Variants in WWOX observed in about 807,000 individuals in gnomAD.
The protein encoded by WWOX is WW domain-containing oxidoreductase.
A neutral mutation model predicts 46.2 loss-of-function variants in WWOX; 69 were observed. The observed-to-expected ratio is 1.49, with a 90% confidence interval of 1.23 to 1.82. The LOEUF is 1.82. Among genes scored for constraint, WWOX ranks in the 40% most tolerant of loss-of-function variants. WWOX has a pLI of 0.00. For synonymous variants in WWOX, 359 were observed against 202.6 expected, an observed-to-expected ratio of 1.77 and a Z score of -6.56; for missense variants, 919 against 542.6, an observed-to-expected ratio of 1.69 and a Z score of -6.89.
chr16:78,149,283 T>A (rs780053441), intron 4 of WWOX, among the ~76,000 whole-genome samples: 2 of 152,146 alleles, frequency 1.3e-5, no homozygotes, highest in Non-Finnish European at 2.9e-5. Context: ...TTTTACTGGT[T>A]GGAAGTATAG....
chr16:78,585,702 T>G (rs895292779), intron 8 of WWOX, among the ~76,000 whole-genome samples: 2 of 151,710 alleles, frequency 1.3e-5, no homozygotes, highest in African/African-American at 4.8e-5. Flanking sequence ...TTTTTGTTTT[T>G]TTTGTTTTTT....
At chr16:78,286,933 C>A (rs988511167) in intron 5 of WWOX, among the ~76,000 whole-genome samples, 2 of 152,216 alleles carry the variant, frequency 1.3e-5, no homozygotes, top group South Asian at 4.1e-4. Flanking sequence ...TTTATAGTTT[C>A]TTTTCTGTTT....
rs575713560 is a variant in WWOX, at chr16:79,108,586, C to G, written c.1057-103022C>G. On this transcript the variant is annotated intron_variant, in intron 8 of 8. Transcript: ENST00000566780. ...AAGGGTGATTGGCTATTTTCATCATCAAGAAAAACATTGCTTTAAAATTTT... is the reference window on the plus strand; with the variant it reads ...AAGGGTGATTGGCTATTTTCATCATGAAGAAAAACATTGCTTTAAAATTTT... 5.3e-5 allele frequency among the ~76,000 whole-genome samples: 8 copies of G among 152,286 alleles called. No homozygotes were observed. In the South Asian group the frequency reaches 1.7e-3, roughly 32 times the overall value.
chr16:78,315,421 G>A (rs907971660), intron 5 of WWOX, among the ~76,000 whole-genome samples: 5 of 152,166 alleles, frequency 3.3e-5, no homozygotes, highest in East Asian at 3.9e-4. Flanking sequence ...GGCCAAGGCC[G>A]GCGGATCACT....
chr16:78,557,660 G>C (rs1027649119), intron 8 of WWOX, among the ~76,000 whole-genome samples: 1 of 146,174 alleles, frequency 6.8e-6, no homozygotes, highest in Non-Finnish European at 1.5e-5. Context: ...CCGGAAATGC[G>C]ACACATAAGT....
chr16:78,398,670 T>C (rs2082343323), intron 6 of WWOX, among the ~76,000 whole-genome samples: 1 of 152,202 alleles, frequency 6.6e-6, no homozygotes, highest in Non-Finnish European at 1.5e-5. Context: ...GGCTAATACA[T>C]CTTGGTCTTA....
At chr16:78,523,654 G>T (rs892867230) in intron 8 of WWOX, among the ~76,000 whole-genome samples, 1 of 152,136 alleles carries the variant, frequency 6.6e-6, no homozygotes, top group Non-Finnish European at 1.5e-5. Flanking sequence ...TCGTAATGTG[G>T]TACAGTGTGT....
At chr16:78,812,550 C>A (rs190187551) in intron 8 of WWOX, among the ~76,000 whole-genome samples, 4 of 152,002 alleles carry the variant, frequency 2.6e-5, no homozygotes, top group Non-Finnish European at 5.9e-5. Flanking sequence ...GGCGAAACTC[C>A]TTCTCTACTA....
At chr16:78,458,622 G>A (rs899306627) in intron 8 of WWOX, among the ~76,000 whole-genome samples, 2 of 151,782 alleles carry the variant, frequency 1.3e-5, no homozygotes, top group African/African-American at 4.8e-5. Context: ...AGCATATGTG[G>A]TCATTTAAAA....
chr16:78,981,203 G>T (rs187093870), intron 8 of WWOX, among the ~76,000 whole-genome samples: 2 of 152,260 alleles, frequency 1.3e-5, no homozygotes, highest in East Asian at 3.9e-4. Flanking sequence ...TCCTGGCTGT[G>T]TTAGCATCAG....
chr16:78,786,838 T>G (rs1171476761), intron 8 of WWOX, among the ~76,000 whole-genome samples: 1 of 152,204 alleles, frequency 6.6e-6, no homozygotes, highest in Non-Finnish European at 1.5e-5. Context: ...GTGGTAAGAT[T>G]TACATAATGT....
At chr16:78,206,160 C>G (rs749901134) in intron 5 of WWOX, among the ~76,000 whole-genome samples, 1 of 151,788 alleles carries the variant, frequency 6.6e-6, no homozygotes, top group Non-Finnish European at 1.5e-5. Context: ...CTATTGGGAA[C>G]CATTTCAGGG....
intron 8 of WWOX, among the ~76,000 whole-genome samples, chr16:79,080,695 A>G (rs1199732788): frequency 6.6e-6 from 1 of 152,190 alleles, no homozygotes; most frequent in Non-Finnish European, 1.5e-5. Flanking sequence ...AGCCGGGTAC[A>G]GTGGCTCATA....
At chr16:78,278,544 G>C in intron 5 of WWOX, 1 of 1,520,922 alleles carries the variant, frequency 6.6e-7, no homozygotes, top group Non-Finnish European at 9.0e-7. Flanking sequence ...TCAAGAAACA[G>C]TTCTATGTTG....
At chr16:78,174,173 A>G (rs1438597891) in intron 5 of WWOX, among the ~76,000 whole-genome samples, 1 of 152,212 alleles carries the variant, frequency 6.6e-6, no homozygotes, top group African/African-American at 2.4e-5. Flanking sequence ...GACTGGGAAG[A>G]AAAAGAGGTT....
chr16:78,605,347 ACTT>A (rs758712009), intron 8 of WWOX, among the ~76,000 whole-genome samples: 17 of 151,128 alleles, frequency 1.1e-4, no homozygotes, highest in African/African-American at 3.9e-4. Context: ...TAGTGATTTG[ACTT>A]CTTAAGTCCT....
At chr16:78,563,316 A>C (rs565183580) in intron 8 of WWOX, among the ~76,000 whole-genome samples, 3 of 151,874 alleles carry the variant, frequency 2.0e-5, no homozygotes, top group South Asian at 2.1e-4. Context: ...TATTTTATTT[A>C]TTTATTTCTT....
intron 8 of WWOX, among the ~76,000 whole-genome samples, chr16:78,645,422 T>G (rs2046816512): frequency 6.6e-6 from 1 of 152,178 alleles, no homozygotes; most frequent in Admixed American, 6.5e-5. Flanking sequence ...CCTTTTGTGT[T>G]GCTATAAAGG....
chr16:79,107,164 C>T (rs1004759150), intron 8 of WWOX, among the ~76,000 whole-genome samples: 2 of 152,202 alleles, frequency 1.3e-5, no homozygotes, highest in Admixed American at 6.5e-5. Flanking sequence ...TGGTCTTCAA[C>T]TCCTGAGCTC....
Sources: allele counts gnomAD v4.1 joint callset (sites outside exome capture counted in the v4.1 genomes callset), GRCh38; gene constraint gnomAD v4.1.1; transcripts MANE v1.5; gene names NCBI Gene and HGNC (gene_info 2026-07-23, HGNC 2026-07-21).